The following FUCA1 variants were observed in gnomAD, a reference collection of about 807,000 sequenced individuals.
The protein encoded by FUCA1 is alpha-L-fucosidase 1.
FUCA1 carries 52 observed loss-of-function variants against 56.8 expected under a neutral mutation model. That is an observed-to-expected ratio of 0.92 (90% confidence interval 0.73 to 1.15). The LOEUF is 1.15. Ranked by LOEUF, FUCA1 falls within the 50% of genes most tolerant of loss-of-function variation. FUCA1 has a pLI of 0.00. For synonymous variants in FUCA1, 230 were observed against 226.6 expected, an observed-to-expected ratio of 1.02 and a Z score of -0.14; for missense variants, 568 against 592.6, an observed-to-expected ratio of 0.96 and a Z score of 0.43.
chr1:23,862,064 G>T (rs1009775720), intron 3 of FUCA1, among the ~76,000 whole-genome samples: 3 of 152,128 alleles, frequency 2.0e-5, no homozygotes, highest in Non-Finnish European at 4.4e-5. Flanking sequence ...TAAAAGAGTG[G>T]GGATCTAAGA....
intron 4 of FUCA1, among the ~76,000 whole-genome samples, chr1:23,858,145 A>G (rs1270548419): frequency 1.3e-5 from 2 of 151,762 alleles, no homozygotes; most frequent in African/African-American, 2.4e-5. Context: ...GCTCACTGAA[A>G]GCTCTGCCTT....
rs750761317 is a variant in FUCA1, at chr1:23,845,769, G to A, written c.1347C>T (p.Pro449=). ...AAGCAAACTCTGCGGGGACAGCAGA[G>A]GGTGGCAACTGGGGTAGAGAGATGA... ...GLFISLPQLP[P]SAVPAEFAWT... is the part of the protein sequence containing the mutation. The change falls in exon 8 of 8, where the codon CCC becomes CCT. Residue 449 remains proline (P), a synonymous_variant. Coordinates refer to ENST00000374479, the MANE Select transcript of FUCA1 (RefSeq NM_000147.5). 6.2e-7 allele frequency: 1 copy of A among 1,614,198 alleles called. No homozygotes were observed. The highest frequency in any genetic ancestry group is 1.6e-4 in the Middle Eastern group (1 of 6,062).
intron 5 of FUCA1, among the ~76,000 whole-genome samples, chr1:23,852,730 G>C (rs918656662): frequency 6.6e-6 from 1 of 152,144 alleles, no homozygotes; most frequent in African/African-American, 2.4e-5. Context: ...CGCCAGCCTC[G>C]GCCTCCAGAG....
chr1:23,854,648 C>T, intron 4 of FUCA1, 88 bp from the exon 5 acceptor site: 1 of 1,136,328 alleles, frequency 8.8e-7, no homozygotes, highest in Non-Finnish European at 1.3e-6. Flanking sequence ...TATTTGGAAG[C>T]AAGAAACTTA....
intron 2 of FUCA1, among the ~76,000 whole-genome samples, chr1:23,863,996 T>A (rs1639566637): frequency 1.3e-5 from 2 of 149,362 alleles, no homozygotes; most frequent in African/African-American, 2.6e-5. Context: ...TCAGAAATAA[T>A]CATTAGTAAC....
chr1:23,847,570 G>C (rs1639168439), intron 6 of FUCA1, among the ~76,000 whole-genome samples: 1 of 152,100 alleles, frequency 6.6e-6, no homozygotes, highest in Non-Finnish European at 1.5e-5. Context: ...GGGACTGATG[G>C]CTTTATAAAA....
At chr1:23,851,948 C>T (rs2148440723) in intron 5 of FUCA1, among the ~76,000 whole-genome samples, 1 of 152,088 alleles carries the variant, frequency 6.6e-6, no homozygotes, top group East Asian at 1.9e-4. Context: ...TAGTTTGCAA[C>T]AAACCATCAT....
Position 23,868,015 on chromosome 1 carries a change from C to G in FUCA1, c.272G>C (p.Arg91Pro), listed in dbSNP as rs570140292. 6.2e-7 allele frequency: 1 copy of G among 1,607,904 alleles called. No individual in the cohort carries two copies. Among genetic ancestry groups the G allele is most frequent in the East Asian group, 2.2e-5 (1 of 44,678 alleles). The change falls in exon 1 of 8, where the codon CGC (arginine) becomes CCC (proline). Residue 91 changes from arginine (R) to proline (P), a missense_variant. Physicochemically the swap from Arg to Pro is moderately radical, Grantham distance 103. Transcript: ENST00000374479. ...WQGEGRPQYQ[R>P]FMRDNYPPGF... ...GGGCGGGTAGTTGTCGCGCATGAAG[C>G]GCTGGTACTGCGGCCGCCCCTCGCC...
intron 3 of FUCA1, among the ~76,000 whole-genome samples, chr1:23,860,625 C>T (rs1215977147): frequency 2.0e-5 from 3 of 149,324 alleles, no homozygotes; most frequent in African/African-American, 7.3e-5. Flanking sequence ...GGTATATTTC[C>T]TCCTGATCTT....
chr1:23,855,732 G>A (rs1386233599), intron 4 of FUCA1, among the ~76,000 whole-genome samples: 1 of 152,022 alleles, frequency 6.6e-6, no homozygotes, highest in Non-Finnish European at 1.5e-5. Flanking sequence ...GGGCATCATG[G>A]GTCACAGAAT....
intron 1 of FUCA1, among the ~76,000 whole-genome samples, chr1:23,866,976 A>G (rs560627583): frequency 5.9e-5 from 9 of 152,324 alleles, no homozygotes; most frequent in African/African-American, 1.9e-4. Context: ...CTTTAGTACA[A>G]GTGAATTCAA....
chr1:23,851,295 C>T (rs556231757), intron 5 of FUCA1, among the ~76,000 whole-genome samples: 40 of 152,048 alleles, frequency 2.6e-4, no homozygotes, highest in South Asian at 1.9e-3. Flanking sequence ...ACCCGGGAGA[C>T]GGCGGTTGCA....
At chr1:23,855,803 A>C (rs1639377953) in intron 4 of FUCA1, among the ~76,000 whole-genome samples, 1 of 152,202 alleles carries the variant, frequency 6.6e-6, no homozygotes, top group Non-Finnish European at 1.5e-5. Context: ...TCAGAGAAAA[A>C]TGGGGTATTA....
rs1297040942 is a variant in FUCA1, at chr1:23,863,236, T to C, written c.560A>G (p.Glu187Gly). The C allele has an allele frequency of 1.2e-6, 2 of 1,613,742 alleles. No homozygotes were observed. The highest frequency in any genetic ancestry group is 1.7e-6 in the Non-Finnish European group (2 of 1,179,904). Residue 187 changes from glutamate to glycine, a missense_variant, in exon 3 of 8, where the codon GAG (glutamate) becomes GGG (glycine). By Grantham distance (98) the Glu-to-Gly change is moderately conservative (BLOSUM62 -2). Coordinates refer to ENST00000374479, the MANE Select transcript of FUCA1 (RefSeq NM_000147.5). ...AAGTAGATAGAGTGGATGGAACCACTCTAAGAGTGAGTGGTATAGTCCATA... is the reference window on the plus strand; with the variant it reads ...AAGTAGATAGAGTGGATGGAACCACCCTAAGAGTGAGTGGTATAGTCCATA... ...IRYGLYHSLL[E>G]WFHPLYLLDK...
chr1:23,854,027 C>T (rs1031996078), intron 5 of FUCA1, among the ~76,000 whole-genome samples: 3 of 150,890 alleles, frequency 2.0e-5, no homozygotes, highest in Non-Finnish European at 2.9e-5. Flanking sequence ...CCTGCCAAAT[C>T]CCCCTCTGTG....
At chr1:23,849,273 A>G (rs12404321) in intron 5 of FUCA1, among the ~76,000 whole-genome samples, 11,778 of 152,280 alleles carry the variant, frequency 0.077, 609 homozygotes, top group East Asian at 0.21. Context: ...AGCATGAGTC[A>G]CCGCACCTGA....
At position 23,863,223 on chromosome 1, in the gene FUCA1, T is replaced by C. The variant is rs1333506903; in HGVS notation, c.573A>G (p.Pro191=). ...CATTTTTCTTATCAAGTAGATAGAG[T>C]GGATGGAACCACTCTAAGAGTGAGT... The part of the protein sequence containing the change: ...LYHSLLEWFH[P]LYLLDKKNGF... Residue 191 remains proline, a synonymous_variant, in exon 3 of 8, where the codon CCA becomes CCG. Coordinates refer to ENST00000374479, the MANE Select transcript of FUCA1 (RefSeq NM_000147.5). 1 of 1,613,668 alleles carries C rather than the reference T, an allele frequency of 6.2e-7. No individual in the cohort carries two copies. Among genetic ancestry groups the C allele is most frequent in the African/African-American group, 1.3e-5 (1 of 74,892 alleles).
intron 5 of FUCA1, 64 bp from the exon 6 acceptor site, chr1:23,848,903 TAGAC>T (rs751461508): frequency 9.4e-5 from 127 of 1,351,100 alleles, no homozygotes; most frequent in African/African-American, 6.7e-4. Context: ...ATGCTTAAAA[TAGAC>T]AGAGAAGAAA....
chr1:23,860,386 A>G (rs552787023), intron 3 of FUCA1, among the ~76,000 whole-genome samples: 7 of 152,108 alleles, frequency 4.6e-5, no homozygotes, highest in Admixed American at 2.0e-4. Flanking sequence ...GATCGAGACC[A>G]TCCTGGGTAA....
Sources: gnomAD v4.1 joint callset for allele counts (sites outside exome capture counted in the v4.1 genomes callset) on GRCh38, gnomAD v4.1.1 for gene constraint, MANE v1.5 for transcripts, NCBI Gene and HGNC (gene_info 2026-07-23, HGNC 2026-07-21) for gene names.